The following TENM2 variants were observed in gnomAD, a reference collection of about 807,000 sequenced individuals.
TENM2 encodes teneurin-2.
In TENM2, 52 loss-of-function variants were observed where a neutral mutation model predicts 245.2. The observed-to-expected ratio is 0.21, with a 90% CI of 0.17 to 0.27. TENM2 has a LOEUF of 0.27. TENM2 is among the 10% of genes least tolerant of loss of function. The pLI is 1.00. For missense variants in TENM2, 3,046 were observed against 3,666.8 expected, an observed-to-expected ratio of 0.83 and a Z score of 4.37; for synonymous variants, 1,363 against 1,438.9, an observed-to-expected ratio of 0.95 and a Z score of 1.19.
chr5:167,074,369 GGC>G, the TENM2 span, among the ~76,000 whole-genome samples: 2 of 152,078 alleles, frequency 1.3e-5, no homozygotes, highest in Non-Finnish European at 1.5e-5. Context: ...TGTCTTAGGT[GGC>G]CGAGGAAGTA....
intron 5 of TENM2, among the ~76,000 whole-genome samples, chr5:168,013,886 T>G (rs1389197662): frequency 2.0e-5 from 3 of 152,208 alleles, no homozygotes; most frequent in Non-Finnish European, 4.4e-5. Flanking sequence ...GGGTCTGTTC[T>G]GGACCTCTCT....
At chr5:167,909,631 T>C (rs2151569593) in intron 3 of TENM2, among the ~76,000 whole-genome samples, 1 of 152,298 alleles carries the variant, frequency 6.6e-6, no homozygotes, top group South Asian at 2.1e-4. Flanking sequence ...AAATCTGCAT[T>C]TGCAAAGATT....
chr5:167,578,240 T>C (rs1774846906), intron 2 of TENM2, among the ~76,000 whole-genome samples: 1 of 152,186 alleles, frequency 6.6e-6, no homozygotes, highest in Admixed American at 6.5e-5. Context: ...TATTCTTCCG[T>C]TAAATTGCAG....
chr5:167,665,380 G>A (rs543665692), intron 2 of TENM2, among the ~76,000 whole-genome samples: 1 of 151,984 alleles, frequency 6.6e-6, no homozygotes, highest in African/African-American at 2.4e-5. Flanking sequence ...AAGTGGCTGC[G>A]ATCCCATTTC....
At chr5:167,462,183 C>CT (rs1251778469) in intron 2 of TENM2, among the ~76,000 whole-genome samples, 7 of 32,442 alleles carry the variant, frequency 2.2e-4, no homozygotes, top group Admixed American at 1.9e-3. Context: ...TGACCCCCAC[C>CT]CCCCCCCCCC....
At chr5:167,898,960 C>T (rs575064124) in intron 3 of TENM2, among the ~76,000 whole-genome samples, 1 of 151,596 alleles carries the variant, frequency 6.6e-6, no homozygotes, top group Non-Finnish European at 1.5e-5. Flanking sequence ...ATCCAACAGA[C>T]AGCTGAAACT....
At chr5:167,859,379 G>T (rs1771454976) in intron 2 of TENM2, among the ~76,000 whole-genome samples, 1 of 100,090 alleles carries the variant, frequency 1.0e-5, no homozygotes, top group Non-Finnish European at 2.2e-5. Flanking sequence ...GGAGGGAGGT[G>T]GGGGGGGTCA....
chr5:168,121,512 T>G (rs2152342703), intron 10 of TENM2, among the ~76,000 whole-genome samples: 1 of 152,338 alleles, frequency 6.6e-6, no homozygotes, highest in East Asian at 1.9e-4. Context: ...GAGAAAGGGT[T>G]AGCTCATATT....
At chr5:167,751,953 T>C (rs375794637) in intron 2 of TENM2, among the ~76,000 whole-genome samples, 1 of 149,672 alleles carries the variant, frequency 6.7e-6, no homozygotes, top group Non-Finnish European at 1.5e-5. Context: ...GTGAAAATAA[T>C]ACACACACAC....
chr5:167,754,972 TGTCAGACTGGG>T (rs1184454216), intron 2 of TENM2: 3 of 1,541,454 alleles, frequency 1.9e-6, no homozygotes, highest in Non-Finnish European at 2.6e-6. Context: ...GCCTCAGCTG[TGTCAGACTGGG>T]ACTGCTGGTG....
intron 2 of TENM2, among the ~76,000 whole-genome samples, chr5:167,842,453 G>A (rs561635210): frequency 2.6e-5 from 4 of 151,828 alleles, no homozygotes; most frequent in Admixed American, 2.6e-4. Flanking sequence ...GCTAGGCATG[G>A]TGGCACATGC....
intron 2 of TENM2, among the ~76,000 whole-genome samples, chr5:167,823,397 C>T (rs537056860): frequency 1.8e-4 from 28 of 152,144 alleles, no homozygotes; most frequent in Admixed American, 5.2e-4. Context: ...CTCACACACA[C>T]GCACACACAG....
chr5:167,876,372 G>A (rs1485483748), intron 3 of TENM2, among the ~76,000 whole-genome samples, 177 bp downstream of exon 5: 1 of 152,194 alleles, frequency 6.6e-6, no homozygotes, highest in Non-Finnish European at 1.5e-5. Flanking sequence ...GTAGAAGGTT[G>A]AAGTTACTTA....
chr5:167,696,041 CA>C (rs919068882), intron 2 of TENM2, among the ~76,000 whole-genome samples: 2 of 141,090 alleles, frequency 1.4e-5, no homozygotes, highest in Non-Finnish European at 3.1e-5. Flanking sequence ...CAAAAAAAAA[CA>C]AAAAAACAAA....
At chr5:167,924,086 G>A (rs749576489) in intron 3 of TENM2, among the ~76,000 whole-genome samples, 4 of 152,076 alleles carry the variant, frequency 2.6e-5, no homozygotes, top group Non-Finnish European at 5.9e-5. Context: ...TTTTCTTATT[G>A]CTTAAATAGA....
At chr5:167,400,257 G>T (rs1369430148) in intron 2 of TENM2, among the ~76,000 whole-genome samples, 1 of 152,086 alleles carries the variant, frequency 6.6e-6, no homozygotes, top group African/African-American at 2.4e-5. Context: ...GAGAGTGATG[G>T]GAAGGAGTGA....
At chr5:167,753,750 G>A (rs1219184713) in intron 2 of TENM2, among the ~76,000 whole-genome samples, 1 of 152,138 alleles carries the variant, frequency 6.6e-6, no homozygotes, top group African/African-American at 2.4e-5. Context: ...CCTTCAGGTG[G>A]CCATCACATA....
chr5:167,597,972 C>T (rs1180989455), intron 2 of TENM2, among the ~76,000 whole-genome samples: 5 of 152,104 alleles, frequency 3.3e-5, no homozygotes, highest in Admixed American at 2.6e-4. Flanking sequence ...ATGAACAAAC[C>T]TGTGAATAAC....
At chr5:167,710,359 C>A (rs1758829725) in intron 2 of TENM2, among the ~76,000 whole-genome samples, 1 of 152,088 alleles carries the variant, frequency 6.6e-6, no homozygotes, top group African/African-American at 2.4e-5. Flanking sequence ...AAAAAAACAA[C>A]AACACACAAA....
Sources: allele counts gnomAD v4.1 joint callset (sites outside exome capture counted in the v4.1 genomes callset), GRCh38; gene constraint gnomAD v4.1.1; transcripts MANE v1.5; gene names NCBI Gene and HGNC (gene_info 2026-07-23, HGNC 2026-07-21).